The following ATXN10 variants were observed in gnomAD, a reference collection of about 807,000 sequenced individuals.
The protein encoded by ATXN10 is ataxin-10.
Under a neutral mutation model 52.9 loss-of-function variants are expected in ATXN10, and 28 were observed. The ratio of observed to expected loss-of-function variants is 0.53; its 90% CI spans 0.39 to 0.73. The LOEUF (loss-of-function observed/expected upper bound fraction) is 0.73. ATXN10 is among the 30% of genes least tolerant of loss of function. ATXN10 has a pLI of 0.00. For synonymous variants in ATXN10, 226 were observed against 221.5 expected (o/e 1.02, Z -0.18); for missense variants, 565 against 577.0 (o/e 0.98, Z 0.21).
intron 5 of ATXN10, among the ~76,000 whole-genome samples, chr22:45,714,095 A>G (rs538369237): frequency 6.6e-6 from 1 of 152,280 alleles, no homozygotes; most frequent in African/African-American, 2.4e-5. Flanking sequence ...TGCCAGTGTC[A>G]ACTCCCCTGT....
rs376280089 is a variant in ATXN10 at position 45,816,145 on chromosome 22, C to T, written c.1237+9123C>T. On this transcript the variant is annotated intron_variant, in intron 10 of 11. Coordinates refer to ENST00000252934, the MANE Select transcript of ATXN10 (RefSeq NM_013236.4). This position sits in a 1 kb window ranked among gnomAD's most constrained non-coding sequence, Gnocchi z 5.8. ...GCACGCACCCTTAGTCCCAGCTACT[C>T]GGGAGGCTGAGGCAGGAGAATCGCT... Among the ~76,000 whole-genome samples the T allele has an allele frequency of 8.5e-4, 130 of 152,138 alleles. No homozygotes were observed. In the East Asian group the frequency reaches 0.019, roughly 23 times the overall value.
At chr22:45,716,574 A>G (rs1310486541) in intron 5 of ATXN10, among the ~76,000 whole-genome samples, 1 of 151,818 alleles carries the variant, frequency 6.6e-6, no homozygotes, top group East Asian at 1.9e-4. Context: ...CAAACTCTTG[A>G]CCTCAAGTAA....
intron 6 of ATXN10, among the ~76,000 whole-genome samples, chr22:45,723,177 A>G (rs1271308443): frequency 6.6e-6 from 1 of 151,734 alleles, no homozygotes; most frequent in Non-Finnish European, 1.5e-5. Context: ...ATATATATAT[A>G]TGTAGATAGA....
chr22:45,695,518 C>G (rs952512710), intron 3 of ATXN10, among the ~76,000 whole-genome samples: 4 of 139,886 alleles, frequency 2.9e-5, no homozygotes, highest in African/African-American at 1.0e-4. Flanking sequence ...GAGATGGAGT[C>G]TTACTCTGTC....
chr22:45,778,994 A>G (rs1927054983), intron 9 of ATXN10, among the ~76,000 whole-genome samples: 1 of 152,122 alleles, frequency 6.6e-6, no homozygotes, highest in African/African-American at 2.4e-5. Flanking sequence ...GAGTTGGGGA[A>G]AATAATTTTG....
At position 45,769,228 on chromosome 22, in the gene ATXN10, T is replaced by C. The variant is rs959250820; in HGVS notation, c.1173+28690T>C. On this transcript the variant is annotated intron_variant, in intron 9 of 11. Transcript: ENST00000252934. The surrounding 1 kb of genome is among the most constrained non-coding windows in gnomAD (Gnocchi z 4.2). ...CTCTTGGTGGGTAGGGGACTCATCA[T>C]GGAATCTGAAAGGCAGCTTTATCAA... Among the ~76,000 whole-genome samples, 2 of 152,168 alleles carry C rather than the reference T, an allele frequency of 1.3e-5. No homozygotes were observed. Among genetic ancestry groups the C allele is most frequent in the African/African-American group, 4.8e-5 (2 of 41,434 alleles).
chr22:45,792,107 T>A (rs530809532), intron 9 of ATXN10, among the ~76,000 whole-genome samples: 1 of 152,232 alleles, frequency 6.6e-6, no homozygotes, highest in Non-Finnish European at 1.5e-5. Flanking sequence ...CTTAGCACTA[T>A]CCTTTGCAAA....
chr22:45,785,135 C>T (rs1243638421), intron 9 of ATXN10, among the ~76,000 whole-genome samples: 12 of 152,232 alleles, frequency 7.9e-5, no homozygotes, highest in Admixed American at 7.8e-4. Context: ...TCTGCTGCTG[C>T]CATGGTTTAC....
At position 45,689,752 on chromosome 22, in the gene ATXN10, A is replaced by G. The variant is rs745394516; in HGVS notation, c.157A>G (p.Ile53Val). 7.2e-5 allele frequency: 117 copies of G among 1,614,218 alleles called. No individual in the cohort carries two copies. The highest frequency in any genetic ancestry group is 8.7e-5 in the Non-Finnish European group (103 of 1,180,030). Residue 53 changes from isoleucine to valine, a missense_variant, in exon 2 of 12, where the codon ATC becomes GTC. Transcript: ENST00000252934. ...GACTATCTTCCAAAGAGTTCTGGAT[A>G]TCCTAAAGAAATCTTCTCATGCTGT... ...PRTIFQRVLD[I>V]LKKSSHAVEL... is the part of the protein sequence containing the mutation.
chr22:45,732,114 A>C lies in ATXN10; in HGVS notation c.894+2524A>C, dbSNP rs1925110385. Among the ~76,000 whole-genome samples, 1 of 152,074 alleles carries C rather than the reference A, an allele frequency of 6.6e-6. No individual in the cohort carries two copies. The highest frequency in any genetic ancestry group is 1.5e-5 in the Non-Finnish European group (1 of 68,004). On this transcript the variant is annotated intron_variant, in intron 7 of 11. Coordinates refer to ENST00000252934, the MANE Select transcript of ATXN10 (RefSeq NM_013236.4). This position sits in a 1 kb window ranked among gnomAD's most constrained non-coding sequence, Gnocchi z 4.5. ...AGGAAAACTTCTATTTTTCCTTTGG[A>C]CTTTTTTCTCTAAGATGGGAAGTAT...
At chr22:45,687,053 C>T (rs1387087438) in intron 1 of ATXN10, among the ~76,000 whole-genome samples, 1 of 152,144 alleles carries the variant, frequency 6.6e-6, no homozygotes, top group Non-Finnish European at 1.5e-5. Flanking sequence ...CAAATAGATG[C>T]TGTCATGATT....
At chr22:45,803,645 C>T (rs1028618428) in intron 9 of ATXN10, among the ~76,000 whole-genome samples, 1 of 152,150 alleles carries the variant, frequency 6.6e-6, no homozygotes, top group African/African-American at 2.4e-5. Flanking sequence ...TTCTCCTTAT[C>T]TTCATCCCAA....
rs1924298470 is a variant in ATXN10 at position 45,712,743 on chromosome 22, A to G, written c.648-5670A>G. On this transcript the variant is annotated intron_variant, in intron 5 of 11. Coordinates refer to ENST00000252934, the MANE Select transcript of ATXN10 (RefSeq NM_013236.4). This position sits in a 1 kb window ranked among gnomAD's most constrained non-coding sequence, Gnocchi z 4.6. ...CTAGTAGAGGAAGCATCGCCATTGA[A>G]TCAGTGGACTGTTATTTTTCTAGTT... Among the ~76,000 whole-genome samples, 1 of 152,228 alleles carries G rather than the reference A, an allele frequency of 6.6e-6. No individual in the cohort carries two copies. Among genetic ancestry groups the G allele is most frequent in the Non-Finnish European group, 1.5e-5 (1 of 68,040 alleles).
intron 9 of ATXN10, chr22:45,740,739 CGTGT>C (rs67459281): frequency 4.2e-5 from 14 of 330,794 alleles, no homozygotes; most frequent in Admixed American, 9.1e-5. Flanking sequence ...CACACACACA[CGTGT>C]GTGTGTGTGT....
At position 45,785,187 on chromosome 22, in the gene ATXN10, G is replaced by A. The variant is rs537042481; in HGVS notation, c.1174-21772G>A. Among the ~76,000 whole-genome samples, 11 of 152,268 alleles carry A rather than the reference G, an allele frequency of 7.2e-5. No homozygotes were observed. In the South Asian group the frequency reaches 2.3e-3, roughly 32 times the overall value. ...TTGTTGCTCTCTCAAGTCATGTCTTGTGGTACTTTCGGGAGGCTACTAAAT... is the reference window on the plus strand; with the variant it reads ...TTGTTGCTCTCTCAAGTCATGTCTTATGGTACTTTCGGGAGGCTACTAAAT... On this transcript the variant is annotated intron_variant, in intron 9 of 11. Coordinates refer to ENST00000252934, the MANE Select transcript of ATXN10 (RefSeq NM_013236.4).
chr22:45,700,185 CT>C, intron 3 of ATXN10, 96 bp from the exon 4 acceptor site: 1 of 920,560 alleles, frequency 1.1e-6, no homozygotes, highest in Non-Finnish European at 1.6e-6. Context: ...CAAGCAGAAA[CT>C]TTCTGTTTAA....
At chr22:45,773,444 A>T (rs1926842337) in intron 9 of ATXN10, among the ~76,000 whole-genome samples, 1 of 148,814 alleles carries the variant, frequency 6.7e-6, no homozygotes, top group South Asian at 2.1e-4. Flanking sequence ...CTGAATGAAG[A>T]ATTATTTATT....
At position 45,818,912 on chromosome 22, in the gene ATXN10, G is replaced by T. The variant is rs912822971; in HGVS notation, c.1237+11890G>T. Among the ~76,000 whole-genome samples the T allele has an allele frequency of 3.3e-5, 5 of 152,108 alleles. No individual in the cohort carries two copies. The highest frequency in any genetic ancestry group is 7.4e-5 in the Non-Finnish European group (5 of 68,012). On this transcript the variant is annotated intron_variant, in intron 10 of 11. Coordinates refer to ENST00000252934, the MANE Select transcript of ATXN10 (RefSeq NM_013236.4). The surrounding 1 kb of genome is among the most constrained non-coding windows in gnomAD (Gnocchi z 4.6). Reference sequence around the variant, plus strand: ...ATGCAGGCTGATGGCAGCATCCTGGGGCCTGACCTTGGTGCACTGTGTCTC... The same window carrying T: ...ATGCAGGCTGATGGCAGCATCCTGGTGCCTGACCTTGGTGCACTGTGTCTC...
chr22:45,692,612 T>A (rs1472849965), intron 2 of ATXN10, among the ~76,000 whole-genome samples: 1 of 152,232 alleles, frequency 6.6e-6, no homozygotes, highest in African/African-American at 2.4e-5. Context: ...GATGTTTTAC[T>A]TTAAGTCGTT....
Sources: allele counts gnomAD v4.1 joint callset (sites outside exome capture counted in the v4.1 genomes callset), GRCh38; gene constraint gnomAD v4.1.1; non-coding constraint Gnocchi (gnomAD v3.1); transcripts MANE v1.5; gene names NCBI Gene and HGNC (gene_info 2026-07-23, HGNC 2026-07-21).